RAPGEF2: variants seen among roughly 807,000 people sequenced by gnomAD.
RAPGEF2 encodes the protein Rap guanine nucleotide exchange factor 2, also known as PDZ domain containing guanine nucleotide exchange factor (GEF) 1.
Under a neutral mutation model 186.7 loss-of-function variants are expected in RAPGEF2, and 54 were observed. The observed-to-expected ratio is 0.29, with a 90% confidence interval of 0.23 to 0.36. The LOEUF (loss-of-function observed/expected upper bound fraction) is 0.36. Among genes scored for constraint, RAPGEF2 ranks in the 10% least tolerant of loss-of-function variants. The pLI is 1.00. For synonymous variants in RAPGEF2, 712 were observed against 705.9 expected (o/e 1.01, Z -0.14); for missense variants, 1,532 against 2,045.0 (o/e 0.75, Z 4.84).
intron 3 of RAPGEF2, among the ~76,000 whole-genome samples, chr4:159,209,142 T>C (rs1295593602): frequency 7.0e-6 from 1 of 142,606 alleles, no homozygotes; most frequent in Non-Finnish European, 1.5e-5. Flanking sequence ...TCCGCCTGCC[T>C]GAGCCTCCCA....
chr4:159,243,882 T>C, intron 7 of RAPGEF2, 91 bp downstream of exon 7: 1 of 981,858 alleles, frequency 1.0e-6, no homozygotes, highest in Non-Finnish European at 1.4e-6. Flanking sequence ...ATTCATATGT[T>C]TTGCTTCGTC....
intron 1 of RAPGEF2, among the ~76,000 whole-genome samples, chr4:159,110,324 A>T (rs1036135721): frequency 1.3e-5 from 2 of 152,224 alleles, no homozygotes; most frequent in Non-Finnish European, 2.9e-5. Flanking sequence ...GCTGTGGCTC[A>T]TGCCTCTAAT....
At chr4:159,331,405 CTT>C in intron 13 of RAPGEF2, 24 bp from the exon 14 acceptor site, 1 of 1,456,396 alleles carries the variant, frequency 6.9e-7, no homozygotes, top group East Asian at 2.3e-5. Flanking sequence ...AAAAAGGAAA[CTT>C]ATTGAAAATA....
chr4:159,253,018 A>T (rs1266311041), intron 7 of RAPGEF2, among the ~76,000 whole-genome samples: 6 of 152,252 alleles, frequency 3.9e-5, no homozygotes, highest in African/African-American at 1.4e-4. Flanking sequence ...TATGTTTAAT[A>T]TTGGTCTAAT....
At chr4:159,121,266 A>G (rs1739649483) in intron 1 of RAPGEF2, among the ~76,000 whole-genome samples, 2 of 152,158 alleles carry the variant, frequency 1.3e-5, no homozygotes, top group South Asian at 2.1e-4. Flanking sequence ...GGAAAAATGT[A>G]CAGTTGAACC....
At chr4:159,265,594 C>T (rs1757340082) in intron 7 of RAPGEF2, among the ~76,000 whole-genome samples, 1 of 152,074 alleles carries the variant, frequency 6.6e-6, no homozygotes, top group Admixed American at 6.5e-5. Flanking sequence ...GAGTTTTGGT[C>T]TTTATGCCAG....
chr4:159,330,261 GTATA>G (rs367645092), intron 12 of RAPGEF2, 69 bp from the exon 13 acceptor site: 6 of 786,548 alleles, frequency 7.6e-6, no homozygotes, highest in East Asian at 2.7e-5. Flanking sequence ...GTGTGTATAT[GTATA>G]TGTGTGTGTG....
chr4:159,231,373 A>C (rs1752625636), intron 4 of RAPGEF2, among the ~76,000 whole-genome samples: 1 of 152,118 alleles, frequency 6.6e-6, no homozygotes, highest in South Asian at 2.1e-4. Flanking sequence ...TTACTCACAC[A>C]TATTATTTTG....
At chr4:159,130,832 C>G (rs1372250768) in intron 1 of RAPGEF2, among the ~76,000 whole-genome samples, 30 of 151,436 alleles carry the variant, frequency 2.0e-4, no homozygotes, top group Admixed American at 2.0e-3. Context: ...ACCACAGCCT[C>G]CCAAGTAGCT....
chr4:159,147,023 C>A (rs578234320), intron 1 of RAPGEF2, among the ~76,000 whole-genome samples: 14 of 152,308 alleles, frequency 9.2e-5, no homozygotes, highest in African/African-American at 3.1e-4. Flanking sequence ...GTTTTGAGCT[C>A]CTGGCATCAA....
chr4:159,334,053 A>G (rs780177484), intron 17 of RAPGEF2, among the ~76,000 whole-genome samples: 5 of 152,210 alleles, frequency 3.3e-5, no homozygotes, highest in Non-Finnish European at 5.9e-5. Context: ...GCAGTCTTCT[A>G]TAGCAGAGTC....
chr4:159,141,145 A>G (rs1346642657), intron 1 of RAPGEF2, among the ~76,000 whole-genome samples: 1 of 152,310 alleles, frequency 6.6e-6, no homozygotes, highest in African/African-American at 2.4e-5. Flanking sequence ...TTGCAACCCA[A>G]TCTAAAACAA....
At chr4:159,302,149 G>A (rs1277624711) in intron 7 of RAPGEF2, among the ~76,000 whole-genome samples, 1 of 152,192 alleles carries the variant, frequency 6.6e-6, no homozygotes, top group Non-Finnish European at 1.5e-5. Flanking sequence ...TGAATAGATT[G>A]TGGTATCTAA....
chr4:159,136,663 G>C (rs868533498), intron 1 of RAPGEF2, among the ~76,000 whole-genome samples: 7 of 152,194 alleles, frequency 4.6e-5, no homozygotes, highest in African/African-American at 1.4e-4. Flanking sequence ...GTTTAATGTT[G>C]AATATGTTGA....
intron 7 of RAPGEF2, among the ~76,000 whole-genome samples, chr4:159,302,460 T>C (rs2111039284): frequency 6.6e-6 from 1 of 152,348 alleles, no homozygotes; most frequent in South Asian, 2.1e-4. Context: ...TTAACATCTC[T>C]AAGCCATAGA....
chr4:159,284,034 A>G (rs1019538649), intron 7 of RAPGEF2, among the ~76,000 whole-genome samples: 18 of 152,216 alleles, frequency 1.2e-4, no homozygotes, highest in Non-Finnish European at 4.4e-5. Context: ...ATTTGATTTT[A>G]GGCTGTTTCA....
chr4:159,273,672 TTC>T (rs1374578691), intron 7 of RAPGEF2, among the ~76,000 whole-genome samples: 1 of 150,172 alleles, frequency 6.7e-6, no homozygotes, highest in African/African-American at 2.4e-5. Flanking sequence ...CTTTCTTTCT[TTC>T]TTTCTTTCTT....
chr4:159,269,225 G>T (rs570143248), intron 7 of RAPGEF2, among the ~76,000 whole-genome samples: 2 of 152,052 alleles, frequency 1.3e-5, no homozygotes, highest in South Asian at 4.2e-4. Context: ...TCATTGTTAG[G>T]AACAAAATTA....
intron 2 of RAPGEF2, among the ~76,000 whole-genome samples, chr4:159,192,951 A>G (rs766084436): frequency 5.9e-5 from 9 of 152,228 alleles, no homozygotes; most frequent in Non-Finnish European, 1.3e-4. Context: ...GTTCTTCCCC[A>G]TAAAATAAAC....
Sources: allele counts gnomAD v4.1 joint callset (sites outside exome capture counted in the v4.1 genomes callset), GRCh38; gene constraint gnomAD v4.1.1; transcripts MANE v1.5; gene names NCBI Gene and HGNC (gene_info 2026-07-23, HGNC 2026-07-21).